Variants in BLOC1S5 observed in about 807,000 individuals in gnomAD.
The protein encoded by BLOC1S5 is biogenesis of lysosomal organelles complex 1 subunit 5, also known as biogenesis of lysosome-related organelles complex 1 subunit 5.
In BLOC1S5, 27 loss-of-function variants were observed where a neutral mutation model predicts 24.3. The ratio of observed to expected loss-of-function variants is 1.11; its 90% CI spans 0.82 to 1.53. The LOEUF (loss-of-function observed/expected upper bound fraction) is 1.53, where lower values mean the gene tolerates loss of function less well. Among genes scored for constraint, BLOC1S5 ranks in the 40% most tolerant of loss-of-function variants. The pLI is 0.00. For synonymous variants in BLOC1S5, 84 were observed against 74.5 expected, an observed-to-expected ratio of 1.13 and a Z score of -0.66; for missense variants, 239 against 229.4, an observed-to-expected ratio of 1.04 and a Z score of -0.27.
intron 3 of BLOC1S5, among the ~76,000 whole-genome samples, chr6:8,026,703 C>T (rs576831761): frequency 6.6e-6 from 1 of 152,290 alleles, no homozygotes; most frequent in Admixed American, 6.5e-5. Flanking sequence ...AGATTGTCTA[C>T]AGCTCTCTCA....
intron 2 of BLOC1S5, among the ~76,000 whole-genome samples, chr6:8,044,888 A>C (rs1234014103): frequency 6.6e-6 from 1 of 152,218 alleles, no homozygotes; most frequent in Non-Finnish European, 1.5e-5. Context: ...GCGGAGCATA[A>C]AAGTTTGGAA....
At chr6:8,051,348 C>G (rs1581429188) in intron 2 of BLOC1S5, among the ~76,000 whole-genome samples, 1 of 152,280 alleles carries the variant, frequency 6.6e-6, no homozygotes, top group South Asian at 2.1e-4. Flanking sequence ...TAACTCTATT[C>G]AATCCTATGA....
intron 3 of BLOC1S5, 80 bp downstream of exon 3, chr6:8,041,059 C>G (rs115676659): frequency 3.2e-5 from 47 of 1,463,802 alleles, no homozygotes; most frequent in Non-Finnish European, 3.9e-5. Flanking sequence ...TCCACCTCCC[C>G]CCATAATACC....
chr6:8,056,386 A>C (rs1764306905), intron 2 of BLOC1S5, among the ~76,000 whole-genome samples: 1 of 152,156 alleles, frequency 6.6e-6, no homozygotes, highest in Non-Finnish European at 1.5e-5. Context: ...CATTGGTATC[A>C]TGGGTACCCT....
chr6:8,049,485 G>C (rs936388436), intron 2 of BLOC1S5, among the ~76,000 whole-genome samples: 1 of 151,954 alleles, frequency 6.6e-6, no homozygotes, highest in Non-Finnish European at 1.5e-5. Flanking sequence ...TTTAGGAATT[G>C]CTCTTTAAAT....
At chr6:8,016,087 A>G (rs1266391064) in intron 4 of BLOC1S5, among the ~76,000 whole-genome samples, 2 of 152,248 alleles carry the variant, frequency 1.3e-5, no homozygotes, top group African/African-American at 4.8e-5. Flanking sequence ...GCATTCTGGG[A>G]GGCCGAAGCC....
chr6:8,032,913 C>G (rs1157358255), intron 3 of BLOC1S5, among the ~76,000 whole-genome samples: 1 of 152,130 alleles, frequency 6.6e-6, no homozygotes, highest in African/African-American at 2.4e-5. Context: ...AGGAATCCAA[C>G]GTATAAGGGA....
intron 3 of BLOC1S5, among the ~76,000 whole-genome samples, chr6:8,033,687 A>G (rs1443979587): frequency 2.0e-5 from 3 of 152,256 alleles, no homozygotes; most frequent in African/African-American, 7.2e-5. Flanking sequence ...CAGAGTGAAC[A>G]GGCAACCTAC....
chr6:8,038,368 CAA>C (rs1234063086), intron 3 of BLOC1S5, among the ~76,000 whole-genome samples: 1 of 152,022 alleles, frequency 6.6e-6, no homozygotes, highest in Non-Finnish European at 1.5e-5. Context: ...AGACATTTCT[CAA>C]AAGACATAAA....
chr6:8,027,822 CAAA>C (rs34329491), intron 3 of BLOC1S5, among the ~76,000 whole-genome samples: 2 of 125,342 alleles, frequency 1.6e-5, no homozygotes, highest in Admixed American at 8.1e-5. Flanking sequence ...GACTCCATCT[CAAA>C]AAAAAAAAAA....
intron 2 of BLOC1S5, among the ~76,000 whole-genome samples, chr6:8,042,392 AT>A (rs1279787685): frequency 6.6e-6 from 1 of 152,236 alleles, no homozygotes; most frequent in Non-Finnish European, 1.5e-5. Context: ...GGCTATTATC[AT>A]TAGAAAGGCC....
At chr6:8,054,955 G>A (rs1285497908) in intron 2 of BLOC1S5, among the ~76,000 whole-genome samples, 2 of 151,912 alleles carry the variant, frequency 1.3e-5, no homozygotes, top group Non-Finnish European at 2.9e-5. Context: ...ATTCACTCAT[G>A]TTCCTTTTAG....
intron 2 of BLOC1S5, among the ~76,000 whole-genome samples, chr6:8,046,555 A>G (rs1581423150): frequency 6.6e-6 from 1 of 152,082 alleles, no homozygotes; most frequent in South Asian, 2.1e-4. Flanking sequence ...GACTTTTTCT[A>G]ATTTTCCCAT....
Position 8,064,365 on chromosome 6 carries a change from T to C in BLOC1S5, c.12A>G (p.Gly4=). The change falls in exon 1 of 5, where the codon GGA becomes GGG. Residue 4 remains glycine, a synonymous_variant. Transcript: ENST00000397457. ...CACAACCCACAGGGGTCTCTGTCCC[T>C]CCGCCACTCATCCCGACCAGTTCCG... is the stretch of plus-strand genomic sequence containing the variant. The part of the protein sequence containing the change: MSG[G]GTETPVGCEA... The C allele has an allele frequency of 1.2e-6, 2 of 1,610,100 alleles. No homozygotes were observed. Among genetic ancestry groups the C allele is most frequent in the East Asian group, 2.2e-5 (1 of 44,838 alleles).
intron 2 of BLOC1S5, among the ~76,000 whole-genome samples, chr6:8,053,098 C>T (rs574842911): frequency 2.6e-5 from 4 of 152,100 alleles, no homozygotes; most frequent in African/African-American, 9.7e-5. Context: ...AGTCGCACAA[C>T]TCCCACTTTA....
intron 4 of BLOC1S5, among the ~76,000 whole-genome samples, chr6:8,019,607 A>AAG (rs1762854342): frequency 6.9e-6 from 1 of 145,688 alleles, no homozygotes. Context: ...TAAAGAAAAA[A>AAG]GGGGGGGGGG....
At chr6:8,029,084 AC>A (rs1423081684) in intron 3 of BLOC1S5, among the ~76,000 whole-genome samples, 105 of 152,324 alleles carry the variant, frequency 6.9e-4, no homozygotes, top group African/African-American at 2.5e-3. Context: ...TAAAAAAGAA[AC>A]AAATTCATTC....
At chr6:8,038,432 A>T (rs1279263181) in intron 3 of BLOC1S5, among the ~76,000 whole-genome samples, 1 of 152,222 alleles carries the variant, frequency 6.6e-6, no homozygotes, top group Non-Finnish European at 1.5e-5. Context: ...TTATCAGAGA[A>T]ATGCAAATCA....
chr6:8,017,085 T>G (rs1289613007), intron 4 of BLOC1S5, among the ~76,000 whole-genome samples: 1 of 152,196 alleles, frequency 6.6e-6, no homozygotes, highest in East Asian at 1.9e-4. Context: ...GAATTTAGTT[T>G]TCTCCCCCCT....
Sources: gnomAD v4.1 joint callset for allele counts (sites outside exome capture counted in the v4.1 genomes callset) on GRCh38, gnomAD v4.1.1 for gene constraint, MANE v1.5 for transcripts, NCBI Gene and HGNC (gene_info 2026-07-23, HGNC 2026-07-21) for gene names.